MTMR3: variants seen among roughly 807,000 people sequenced by gnomAD.
MTMR3 encodes the protein myotubularin related protein 3.
In MTMR3, 32 loss-of-function variants were observed where a neutral mutation model predicts 132.4. That is an observed-to-expected ratio of 0.24 (90% CI 0.18 to 0.32). MTMR3 has a LOEUF of 0.32. Among genes scored for constraint, MTMR3 ranks in the 10% least tolerant of loss-of-function variants. The probability of loss-of-function intolerance (pLI) is 1.00; values close to 1 mark genes in which losing one functional copy is unlikely to be tolerated. For missense variants in MTMR3, 1,216 were observed against 1,489.6 expected (o/e 0.82, Z 3.02); for synonymous variants, 556 against 550.3 (o/e 1.01, Z -0.14).
At chr22:30,014,182 T>G (rs1601422410) in intron 14 of MTMR3, 1 of 152,356 alleles carries the variant, frequency 6.6e-6, no homozygotes, top group South Asian at 2.1e-4. Context: ...CTACCCTTGC[T>G]ATCTCAAATT....
chr22:30,012,813 C>G (rs773803052), intron 13 of MTMR3: 1 of 353,232 alleles, frequency 2.8e-6, no homozygotes, highest in Non-Finnish European at 5.0e-6. Context: ...AGTCTATCTA[C>G]TTGTAAAAGT....
intron 1 of MTMR3, among the ~76,000 whole-genome samples, chr22:29,889,822 C>T (rs1476779222): frequency 6.6e-6 from 1 of 150,630 alleles, no homozygotes; most frequent in African/African-American, 2.4e-5. Context: ...CAATTTTTCT[C>T]TTAAAGCAGT....
intron 3 of MTMR3, 150 bp from the exon 4 acceptor site, chr22:29,978,292 T>G: frequency 1.9e-6 from 1 of 522,484 alleles, no homozygotes. Flanking sequence ...AGAAAAACTT[T>G]TTAAGATCAA....
chr22:30,010,218 C>T (rs1436413550), intron 12 of MTMR3: 1 of 152,142 alleles, frequency 6.6e-6, no homozygotes, highest in East Asian at 1.9e-4. Flanking sequence ...AACTGTGTAA[C>T]CTTGGCCAAG....
chr22:29,930,261 C>CTCTT (rs1383768656), intron 1 of MTMR3, among the ~76,000 whole-genome samples: 1 of 152,048 alleles, frequency 6.6e-6, no homozygotes, highest in Non-Finnish European at 1.5e-5. Flanking sequence ...TTCCAGGTAC[C>CTCTT]CTTTGGCCAT....
At chr22:29,972,610 G>T (rs1045861902) in intron 3 of MTMR3, among the ~76,000 whole-genome samples, 3 of 152,094 alleles carry the variant, frequency 2.0e-5, no homozygotes, top group South Asian at 2.1e-4. Flanking sequence ...TTGCTCTGTT[G>T]CCCAGGCTGG....
chr22:29,948,058 G>T, intron 1 of MTMR3, among the ~76,000 whole-genome samples: 1 of 152,176 alleles, frequency 6.6e-6, no homozygotes, highest in Non-Finnish European at 1.5e-5. Flanking sequence ...CTAAATGCCA[G>T]AATACAAATT....
At chr22:29,906,522 G>T (rs926082540) in intron 1 of MTMR3, among the ~76,000 whole-genome samples, 1 of 151,422 alleles carries the variant, frequency 6.6e-6, no homozygotes, top group African/African-American at 2.4e-5. Context: ...TTTTAATAGA[G>T]ACGGAGTTTC....
chr22:29,971,140 C>A, intron 3 of MTMR3, 78 bp downstream of exon 3: 1 of 1,400,338 alleles, frequency 7.1e-7, no homozygotes. Context: ...CTAATAAATT[C>A]ATACTTACCC....
intron 1 of MTMR3, among the ~76,000 whole-genome samples, chr22:29,903,157 G>A (rs537021546): frequency 3.0e-4 from 45 of 152,228 alleles, no homozygotes; most frequent in Non-Finnish European, 5.0e-4. Context: ...CCCAGGAGGC[G>A]GAGGCTGTAG....
chr22:29,897,823 G>A (rs1233521596), intron 1 of MTMR3, among the ~76,000 whole-genome samples: 3 of 151,928 alleles, frequency 2.0e-5, no homozygotes, highest in Non-Finnish European at 2.9e-5. Context: ...TCGTATTTTC[G>A]TATGCAGAAG....
intron 3 of MTMR3, among the ~76,000 whole-genome samples, chr22:29,974,054 CTT>C (rs1393177935): frequency 6.6e-6 from 1 of 152,162 alleles, no homozygotes; most frequent in Non-Finnish European, 1.5e-5. Context: ...ACCCCACTGA[CTT>C]TATGGAGGTG....
At chr22:29,950,259 A>G (rs567316557) in intron 1 of MTMR3, among the ~76,000 whole-genome samples, 6 of 152,282 alleles carry the variant, frequency 3.9e-5, no homozygotes, top group East Asian at 3.9e-4. Flanking sequence ...TGGATTTTCT[A>G]TGATTTCTGA....
intron 1 of MTMR3, among the ~76,000 whole-genome samples, chr22:29,902,954 G>A (rs2065028535): frequency 6.6e-6 from 1 of 152,182 alleles, no homozygotes; most frequent in African/African-American, 2.4e-5. Flanking sequence ...TGGATGTGGT[G>A]GCTCACGCCT....
At chr22:29,985,500 AAAAG>A (rs373243851) in intron 5 of MTMR3, 25 of 152,096 alleles carry the variant, frequency 1.6e-4, no homozygotes, top group Admixed American at 7.9e-4. Context: ...ACTCCATCTC[AAAAG>A]AAAGAAAGAA....
intron 7 of MTMR3, chr22:29,992,403 CA>C: frequency 6.6e-6 from 1 of 152,180 alleles, no homozygotes; most frequent in Non-Finnish European, 1.5e-5. Flanking sequence ...CCCTCCCCCC[CA>C]AAAAAACCAA....
intron 1 of MTMR3, among the ~76,000 whole-genome samples, chr22:29,922,116 T>C (rs2065428679): frequency 6.6e-6 from 1 of 151,880 alleles, no homozygotes; most frequent in South Asian, 2.1e-4. Flanking sequence ...TACCTCTGCC[T>C]CCTGGGTTCA....
intron 8 of MTMR3, chr22:29,999,933 A>T (rs2067135499): frequency 6.6e-6 from 1 of 151,366 alleles, no homozygotes; most frequent in Admixed American, 6.6e-5. Flanking sequence ...AATTGCTTGA[A>T]CCTGGGAGGT....
At chr22:29,943,275 C>T (rs1375463689) in intron 1 of MTMR3, among the ~76,000 whole-genome samples, 1 of 152,004 alleles carries the variant, frequency 6.6e-6, no homozygotes. Context: ...TCACTGCAAG[C>T]TCTGCCTCCC....
Sources: gnomAD v4.1 joint callset for allele counts (sites outside exome capture counted in the v4.1 genomes callset) on GRCh38, gnomAD v4.1.1 for gene constraint, MANE v1.5 for transcripts, NCBI Gene and HGNC (gene_info 2026-07-23, HGNC 2026-07-21) for gene names.